Variants in ARHGAP6 observed in about 807,000 individuals in gnomAD.
ARHGAP6 encodes the protein rho GTPase-activating protein 6.
A neutral mutation model predicts 55.7 loss-of-function variants in ARHGAP6; 16 were observed. The ratio of observed to expected loss-of-function variants is 0.29; its 90% confidence interval spans 0.19 to 0.44. The LOEUF is 0.44. ARHGAP6 is among the 20% of genes least tolerant of loss of function. The probability of loss-of-function intolerance (pLI) is 1.00; values close to 1 mark genes in which losing one functional copy is unlikely to be tolerated. For missense variants in ARHGAP6, 698 were observed against 808.9 expected (o/e 0.86, Z 1.66); for synonymous variants, 382 against 360.9 (o/e 1.06, Z -0.66).
chrX:11,533,630 T>A (rs1312215364), intron 1 of ARHGAP6, among the ~76,000 whole-genome samples: 1 of 112,495 alleles, frequency 8.9e-6, no homozygotes, highest in Non-Finnish European at 1.9e-5. Context: ...TAAAATCTTC[T>A]CATTTCAATA....
intron 1 of ARHGAP6, among the ~76,000 whole-genome samples, chrX:11,625,068 A>T (rs751758614): frequency 2.3e-4 from 26 of 112,037 alleles, no homozygotes; most frequent in Non-Finnish European, 4.1e-4. Flanking sequence ...GGTAATGTAA[A>T]TTAGTATAGC....
chrX:11,593,293 C>T (rs1465249230), intron 1 of ARHGAP6, among the ~76,000 whole-genome samples: 1 of 111,452 alleles, frequency 9.0e-6, no homozygotes, highest in East Asian at 2.8e-4. Flanking sequence ...GAGTGGCCTG[C>T]ACAATTATCT....
intron 1 of ARHGAP6, among the ~76,000 whole-genome samples, chrX:11,561,254 T>C (rs2051381482): frequency 8.9e-6 from 1 of 111,932 alleles, no homozygotes; most frequent in Admixed American, 9.5e-5. Flanking sequence ...CTCCATATAA[T>C]GGAACACTAT....
Position 11,179,193 on chromosome X carries a change from T to G in ARHGAP6, c.1480+109A>C, listed in dbSNP as rs942146538. The G allele has an allele frequency of 6.1e-6, 5 of 813,107 alleles. No homozygotes were observed. In the African/African-American group the frequency reaches 6.3e-5, roughly 10 times the overall value. 67.0% of individuals were successfully genotyped at this position (813,107 alleles called of 1,213,427 possible). Reference sequence around the variant, plus strand: ...AAATAGCTCACTCTTTAGAGATTGATAAATAAGGACAAAAAGTTATCAGGA... The same window carrying G: ...AAATAGCTCACTCTTTAGAGATTGAGAAATAAGGACAAAAAGTTATCAGGA... On this transcript the variant is annotated intron_variant, in intron 7 of 12. Transcript: ENST00000337414.
At chrX:11,193,696 A>T (rs2046493360) in intron 3 of ARHGAP6, among the ~76,000 whole-genome samples, 1 of 112,542 alleles carries the variant, frequency 8.9e-6, no homozygotes, top group Admixed American at 9.4e-5. Flanking sequence ...CCTTCGAGGC[A>T]CTATAGAACA....
At chrX:11,497,389 T>C (rs1177633657) in intron 1 of ARHGAP6, among the ~76,000 whole-genome samples, 2 of 111,069 alleles carry the variant, frequency 1.8e-5, no homozygotes, top group African/African-American at 3.3e-5. Context: ...AAAATTCATA[T>C]GTTGAAGCCC....
In ARHGAP6 at chrX:11,315,369, G is replaced by A. The variant is rs772190423; in HGVS notation, c.589-60662C>T. ...CTGCGCAGTTCACAATAGAGTTAGC[G>A]CTCTTATGAGACTCTAATGAATGCC... On this transcript the variant is annotated intron_variant, in intron 1 of 12. Transcript: ENST00000337414. 5.4e-5 allele frequency among the ~76,000 whole-genome samples: 6 copies of A among 111,924 alleles called. No homozygotes were observed. The East Asian group carries it at 1.4e-3, about 26-fold the overall frequency.
chrX:11,640,603 C>G (rs2052464007), intron 1 of ARHGAP6, among the ~76,000 whole-genome samples: 1 of 111,665 alleles, frequency 9.0e-6, no homozygotes, highest in South Asian at 3.7e-4. Context: ...TATCCTATAA[C>G]TGGGACTCCT....
intron 1 of ARHGAP6, among the ~76,000 whole-genome samples, chrX:11,386,256 C>T (rs1304911710): frequency 8.8e-6 from 1 of 113,050 alleles, no homozygotes; most frequent in African/African-American, 3.2e-5. Flanking sequence ...TAAGTTTTAG[C>T]AATGGGGCAA....
At chrX:11,269,258 C>T (rs1250693665) in intron 1 of ARHGAP6, among the ~76,000 whole-genome samples, 1 of 111,749 alleles carries the variant, frequency 8.9e-6, no homozygotes, top group Non-Finnish European at 1.9e-5. Flanking sequence ...CTTCTCCCCA[C>T]TGAACGACAT....
chrX:11,424,870 C>G lies in ARHGAP6; in HGVS notation c.589-170163G>C, dbSNP rs1175803877. Among the ~76,000 whole-genome samples, 3 of 112,518 alleles carry G rather than the reference C, an allele frequency of 2.7e-5. No homozygotes were observed. The East Asian group carries it at 8.3e-4, about 31-fold the overall frequency. ...AAAGCAAGAAGACAGTTGTATTATA[C>G]TTTGAAAATGTCTGTTTATGTAAAT... is the stretch of plus-strand genomic sequence containing the variant. On this transcript the variant is annotated intron_variant, in intron 1 of 12. Transcript: ENST00000337414.
chrX:11,633,196 T>C (rs942980293), intron 1 of ARHGAP6, among the ~76,000 whole-genome samples: 5 of 112,271 alleles, frequency 4.5e-5, no homozygotes, highest in Admixed American at 9.4e-5. Context: ...GAATACAACC[T>C]AAAACATATG....
At chrX:11,368,286 G>A (rs969964852) in intron 1 of ARHGAP6, among the ~76,000 whole-genome samples, 1 of 112,406 alleles carries the variant, frequency 8.9e-6, no homozygotes, top group African/African-American at 3.2e-5. Flanking sequence ...CGGCATGGAA[G>A]ATGCACACAT....
At chrX:11,161,852 C>T (rs771432817) in intron 9 of ARHGAP6, among the ~76,000 whole-genome samples, 1 of 111,811 alleles carries the variant, frequency 8.9e-6, no homozygotes, top group African/African-American at 3.2e-5. Flanking sequence ...TATGCCTCTG[C>T]TTCTAATCCC....
At chrX:11,349,047 T>C (rs1176081441) in intron 1 of ARHGAP6, among the ~76,000 whole-genome samples, 1 of 110,346 alleles carries the variant, frequency 9.1e-6, no homozygotes, top group Non-Finnish European at 1.9e-5. Context: ...ATTCCTGTTT[T>C]TTTTTTTTTT....
At chrX:11,412,196 T>C (rs970768731) in intron 1 of ARHGAP6, among the ~76,000 whole-genome samples, 1 of 111,967 alleles carries the variant, frequency 8.9e-6, no homozygotes, top group African/African-American at 3.2e-5. Context: ...TTCTCCACCA[T>C]AATATACATT....
rs775576680 is a variant in ARHGAP6 at position 11,665,844 on chromosome X, A to G, written c.-1016T>C. The G allele has an allele frequency of 1.9e-4, 21 of 112,838 alleles. No individual in the cohort carries two copies. Among genetic ancestry groups the G allele is most frequent in the African/African-American group, 6.8e-4 (21 of 31,021 alleles). 9.3% of individuals were successfully genotyped at this position (112,838 alleles called of 1,213,427 possible). On this transcript the variant is annotated 5_prime_UTR_variant, in exon 1 of 13. Transcript: ENST00000337414. ...AGGAGCAGGAGAAAGCAGAACGTGA[A>G]GAGTTTTCCAGGCGCCAAACCTGCA... is the stretch of plus-strand genomic sequence containing the variant.
At chrX:11,321,576 G>A (rs750294946) in intron 1 of ARHGAP6, among the ~76,000 whole-genome samples, 5 of 111,381 alleles carry the variant, frequency 4.5e-5, no homozygotes, top group African/African-American at 6.5e-5. Flanking sequence ...ACACATATAC[G>A]CACACATTTT....
At chrX:11,544,307 T>C (rs774563022) in intron 1 of ARHGAP6, among the ~76,000 whole-genome samples, 1 of 112,561 alleles carries the variant, frequency 8.9e-6, no homozygotes, top group East Asian at 2.8e-4. Flanking sequence ...TTTAGAAGAA[T>C]GCAACATGTT....
Sources: allele counts gnomAD v4.1 joint callset (sites outside exome capture counted in the v4.1 genomes callset), GRCh38; gene constraint gnomAD v4.1.1; transcripts MANE v1.5; gene names NCBI Gene and HGNC (gene_info 2026-07-23, HGNC 2026-07-21).